SLC6A5: variants seen among roughly 807,000 people sequenced by gnomAD.
SLC6A5 encodes the protein sodium- and chloride-dependent glycine transporter 2.
Under a neutral mutation model 90.5 loss-of-function variants are expected in SLC6A5, and 58 were observed. The observed-to-expected ratio is 0.64, with a 90% confidence interval of 0.52 to 0.80. SLC6A5 has a LOEUF of 0.80. SLC6A5 is among the 30% of genes least tolerant of loss of function. The probability of loss-of-function intolerance (pLI) is 0.00; values close to 1 mark genes in which losing one functional copy is unlikely to be tolerated. For missense variants in SLC6A5, 1,015 were observed against 1,017.6 expected (o/e 1.00, Z 0.03); for synonymous variants, 427 against 401.4 (o/e 1.06, Z -0.76).
chr11:20,628,992 A>C (rs1457927486), intron 9 of SLC6A5, among the ~76,000 whole-genome samples: 1 of 152,150 alleles, frequency 6.6e-6, no homozygotes, highest in African/African-American at 2.4e-5. Context: ...TCCTGGCAAC[A>C]GCCTATGACA....
intron 9 of SLC6A5, among the ~76,000 whole-genome samples, chr11:20,628,797 A>T (rs768186555): frequency 3.9e-5 from 6 of 152,192 alleles, no homozygotes; most frequent in Non-Finnish European, 5.9e-5. Context: ...GTGTGGCAGA[A>T]ATAACCCAGG....
chr11:20,612,696 T>A (rs1008996033), intron 5 of SLC6A5, among the ~76,000 whole-genome samples: 2 of 152,142 alleles, frequency 1.3e-5, no homozygotes, highest in Non-Finnish European at 2.9e-5. Flanking sequence ...TTTTAAAATG[T>A]TTGGTACAGA....
chr11:20,650,626 C>T (rs974397775), intron 14 of SLC6A5, among the ~76,000 whole-genome samples: 6 of 149,834 alleles, frequency 4.0e-5, no homozygotes, highest in African/African-American at 7.4e-5. Context: ...TCCGGGGTCA[C>T]GGCTCACCAC....
At chr11:20,645,625 A>G (rs1853397845) in intron 13 of SLC6A5, among the ~76,000 whole-genome samples, 1 of 146,498 alleles carries the variant, frequency 6.8e-6, no homozygotes, top group Non-Finnish European at 1.5e-5. Context: ...GGATGAAGGA[A>G]TGATGAAGTG....
At position 20,604,294 on chromosome 11, in the gene SLC6A5, G is replaced by A; in HGVS notation, c.549G>A (p.Glu183=). ...TGCTTTTCCGCCCCCAGGAGGACGA[G>A]CAAGGGGATGAGAATAAGGCCCGAG... ...SVATVATQED[E]QGDENKARGN... Residue 183 remains glutamate, a synonymous_variant, in exon 3 of 16, where the codon GAG becomes GAA. Transcript: ENST00000525748. 6.2e-7 allele frequency: 1 copy of A among 1,611,716 alleles called. No homozygotes were observed. Among genetic ancestry groups the A allele is most frequent in the Admixed American group, 1.7e-5 (1 of 59,914 alleles).
At chr11:20,651,278 C>A (rs1478514682) in intron 14 of SLC6A5, among the ~76,000 whole-genome samples, 1 of 137,658 alleles carries the variant, frequency 7.3e-6, no homozygotes, top group African/African-American at 2.7e-5. Flanking sequence ...CTCCTATGCC[C>A]TTCCCTTTTT....
intron 7 of SLC6A5, among the ~76,000 whole-genome samples, chr11:20,623,347 A>T (rs1024876291): frequency 6.6e-6 from 1 of 152,156 alleles, no homozygotes; most frequent in Non-Finnish European, 1.5e-5. Flanking sequence ...AGGCCAAAAC[A>T]CTTGGGAGTC....
chr11:20,630,951 G>A, intron 10 of SLC6A5, 136 bp downstream of exon 10: 1 of 963,300 alleles, frequency 1.0e-6, no homozygotes, highest in Non-Finnish European at 1.6e-6. Flanking sequence ...CTTCTTTACA[G>A]AGGGACCAAG....
At chr11:20,648,049 C>T (rs961669086) in intron 14 of SLC6A5, among the ~76,000 whole-genome samples, 1 of 152,194 alleles carries the variant, frequency 6.6e-6, no homozygotes, top group African/African-American at 2.4e-5. Context: ...AGCTTTGCCC[C>T]ACTTCACACT....
rs201163583 is a variant in SLC6A5, at chr11:20,604,456, G to A, written c.679+32G>A. On this transcript the variant is annotated intron_variant, in intron 3 of 15. Transcript: ENST00000525748. ...CTTTTCCGCTCTTTCCGCCTGCGGC[G>A]GGGCGGGGCGGGCACCTGAGGGTTG... 105 of 1,608,368 alleles carry A rather than the reference G, an allele frequency of 6.5e-5. No individual in the cohort carries two copies. The African/African-American group carries it at 1.1e-3, about 17-fold the overall frequency.
In SLC6A5 at chr11:20,604,560, C is replaced by G. The variant is rs894750; in HGVS notation, c.679+136C>G. On this transcript the variant is annotated intron_variant, in intron 3 of 15. Transcript: ENST00000525748. ...CTCCTTAGGCTCCAGCCCTACACCT[C>G]GTAGGCTTGAGTGCATAACCAGAGG... 0.26 allele frequency: 274,904 copies of G among 1,051,514 alleles called. 38,197 individuals are homozygous for G. Among genetic ancestry groups the G allele is most frequent in the East Asian group, 0.38 (15,839 of 41,380 alleles). The allele number at this position is 1,051,514 out of a possible 1,614,324, so 65.1% of individuals were successfully genotyped here.
Position 20,601,297 on chromosome 11 carries a change from G to A in SLC6A5, c.172G>A (p.Gly58Ser). 6.3e-7 allele frequency: 1 copy of A among 1,590,592 alleles called. No individual in the cohort carries two copies. The highest frequency in any genetic ancestry group is 8.5e-7 in the Non-Finnish European group (1 of 1,173,916). Residue 58 changes from glycine to serine, a missense_variant, in exon 2 of 16, where the codon GGC becomes AGC. By Grantham distance (56) the Gly-to-Ser change is moderately conservative. This residue lies in a region of SLC6A5 where 567 missense variants were observed against 507.3 expected (regional missense o/e 1.12). Coordinates refer to ENST00000525748, the MANE Select transcript of SLC6A5 (RefSeq NM_004211.5). ...PPRVPRSAST[G>S]AQTFQSADAR... ...ACGTGTGCCCAGGTCCGCTTCCACCGGCGCCCAAACTTTCCAGTCAGCGGA... is the reference window on the plus strand; with the variant it reads ...ACGTGTGCCCAGGTCCGCTTCCACCAGCGCCCAAACTTTCCAGTCAGCGGA...
At chr11:20,608,944 CTCTCTCTCTCTCTCTG>C (rs1168830590) in intron 5 of SLC6A5, among the ~76,000 whole-genome samples, 21 of 118,850 alleles carry the variant, frequency 1.8e-4, no homozygotes, top group East Asian at 6.6e-4. Flanking sequence ...CTCTCTCTCT[CTCTCTCTCTCTCTCTG>C]TGTGTGTGTG....
chr11:20,635,616 G>A (rs1853190239), intron 10 of SLC6A5, among the ~76,000 whole-genome samples: 2 of 152,068 alleles, frequency 1.3e-5, no homozygotes, highest in Admixed American at 1.3e-4. Context: ...AATGACACAC[G>A]TTTACCTATG....
rs747885343 is a variant in SLC6A5 at position 20,607,463 on chromosome 11, A to AT, written c.812-11dup. On this transcript the variant is annotated splice_polypyrimidine_tract_variant and intron_variant, in intron 4 of 15. Transcript: ENST00000525748. ...ATTTAAGATGGAATGAACCCCTGGAATTTTTGCTTCTGCAGGCTGTGGCAT... is the reference window on the plus strand; with the variant it reads ...ATTTAAGATGGAATGAACCCCTGGAATTTTTTGCTTCTGCAGGCTGTGGCAT... 3.1e-6 allele frequency: 5 copies of AT among 1,614,050 alleles called. No individual in the cohort carries two copies. In the Admixed American group the frequency reaches 6.7e-5, roughly 22 times the overall value.
Position 20,623,406 on chromosome 11 carries a change from C to T in SLC6A5, c.1261-3302C>T, listed in dbSNP as rs930067044. ...ACACTCCCCATGAAGTCTGGTGGCT[C>T]CTCCTGAAAATGTATCTGGCATGTG... On this transcript the variant is annotated intron_variant, in intron 7 of 15. Transcript: ENST00000525748. Among the ~76,000 whole-genome samples the T allele has an allele frequency of 2.6e-5, 4 of 152,254 alleles. No individual in the cohort carries two copies. The South Asian group carries it at 6.2e-4, about 24-fold the overall frequency.
chr11:20,639,551 C>T (rs952151936), intron 13 of SLC6A5, among the ~76,000 whole-genome samples: 8 of 152,286 alleles, frequency 5.3e-5, no homozygotes, highest in African/African-American at 1.9e-4. Flanking sequence ...GTCTGCAGAG[C>T]TCTGGTCTTT....
Position 20,601,552 on chromosome 11 carries a change from CG to C in SLC6A5, c.429del (p.Asn144ThrfsTer9). On this transcript the variant is annotated frameshift_variant, in exon 2 of 16. Transcript: ENST00000525748. LOFTEE classifies it high-confidence loss of function. ...NVSVGKGTLE[R>X]NNTPVVGWVN... ...GAGTGTGGGCAAGGGCACCCTGGAG[CG>C]GAACAATACCCCTGTTGTGGGCTGG... 1.2e-6 allele frequency: 2 copies of C among 1,614,156 alleles called. No homozygotes were observed. The highest frequency in any genetic ancestry group is 2.2e-5 in the South Asian group (2 of 91,082).
At chr11:20,620,253 T>A (rs1852865116) in intron 7 of SLC6A5, among the ~76,000 whole-genome samples, 1 of 152,166 alleles carries the variant, frequency 6.6e-6, no homozygotes, top group Non-Finnish European at 1.5e-5. Flanking sequence ...CAGCACCTTT[T>A]AATGATGTGA....
Sources: gnomAD v4.1 joint callset for allele counts (sites outside exome capture counted in the v4.1 genomes callset) on GRCh38, gnomAD v4.1.1 for gene constraint, gnomAD v4.1.1 regional missense constraint, MANE v1.5 for transcripts, NCBI Gene and HGNC (gene_info 2026-07-23, HGNC 2026-07-21) for gene names.